GCFC2: variants seen among roughly 807,000 people sequenced by gnomAD.
GCFC2 encodes GC-rich sequence DNA-binding factor 2, also known as intron Large complex component GCFC2.
In GCFC2, 102 loss-of-function variants were observed where a neutral mutation model predicts 99.4. The ratio of observed to expected loss-of-function variants is 1.03; its 90% confidence interval spans 0.87 to 1.21. The LOEUF (loss-of-function observed/expected upper bound fraction) is 1.21. Among genes scored for constraint, GCFC2 ranks in the 50% most tolerant of loss-of-function variants. The pLI is 0.00. For synonymous variants in GCFC2, 338 were observed against 316.8 expected (o/e 1.07, Z -0.71); for missense variants, 973 against 920.9 (o/e 1.06, Z -0.73).
In GCFC2 at chr2:75,664,086, T is replaced by A. The variant is rs144192902; in HGVS notation, c.*580A>T. On this transcript the variant is annotated 3_prime_UTR_variant, in exon 17 of 17. Transcript: ENST00000321027. ...AAATAAGATTTTTACCTTTCAAATTTTCAATGCATTTTTAAAAAGGATAAT... is the reference window on the plus strand; with the variant it reads ...AAATAAGATTTTTACCTTTCAAATTATCAATGCATTTTTAAAAAGGATAAT... The A allele has an allele frequency of 6.6e-6, 1 of 152,192 alleles. No homozygotes were observed. Among genetic ancestry groups the A allele is most frequent in the Non-Finnish European group, 1.5e-5 (1 of 68,032 alleles). 9.4% of individuals were successfully genotyped at this position (152,192 alleles called of 1,614,324 possible).
chr2:75,711,312 CG>C (rs1010590826), upstream of GCFC2: 3 of 583,438 alleles, frequency 5.1e-6, no homozygotes, highest in Admixed American at 6.3e-5. Flanking sequence ...GTGTGAGGCT[CG>C]GGGTAGGAGG....
At chr2:75,704,604 C>T (rs191332341) in intron 2 of GCFC2, among the ~76,000 whole-genome samples, 20 of 152,380 alleles carry the variant, frequency 1.3e-4, no homozygotes, top group East Asian at 3.9e-4. Context: ...CATTTTCAAA[C>T]GCTGCCCTCT....
chr2:75,703,488 T>C (rs991699300), intron 2 of GCFC2, among the ~76,000 whole-genome samples: 9 of 152,172 alleles, frequency 5.9e-5, no homozygotes, highest in African/African-American at 2.2e-4. Flanking sequence ...AGTCCTTGAG[T>C]GAATCATGAA....
chr2:75,699,058 A>C (rs187386752), intron 4 of GCFC2, among the ~76,000 whole-genome samples: 1 of 151,818 alleles, frequency 6.6e-6, no homozygotes, highest in African/African-American at 2.4e-5. Flanking sequence ...TGATGAAGTC[A>C]TATTTGTGGA....
At chr2:75,687,709 A>C in intron 11 of GCFC2, 118 bp downstream of exon 11, 1 of 828,164 alleles carries the variant, frequency 1.2e-6, no homozygotes, top group Non-Finnish European at 1.9e-6. Flanking sequence ...TTTACTACAT[A>C]TAACATTTCC....
rs1275179487 is a variant in GCFC2 at position 75,670,039 on chromosome 2, T to C, written c.2103+99A>G. The C allele has an allele frequency of 3.3e-5, 25 of 754,292 alleles. No homozygotes were observed. The East Asian group carries it at 6.3e-4, about 19-fold the overall frequency. 46.7% of individuals were successfully genotyped at this position (754,292 alleles called of 1,614,324 possible). On this transcript the variant is annotated intron_variant, in intron 15 of 16. Transcript: ENST00000321027. ...TGTGCCTGGCCCATTTGTCTATATA[T>C]GAGTACCACACATTTAATTATTTTG...
rs1362777508 is a variant in GCFC2 at position 75,663,559 on chromosome 2, C to G, written c.*1107G>C. On this transcript the variant is annotated 3_prime_UTR_variant, in exon 17 of 17. Transcript: ENST00000321027. Reference sequence around the variant, plus strand: ...AATGACTTAATGCTTCAAAAAACATCAACAAATTTAAAAGAAAGGCCAAAC... The same window carrying G: ...AATGACTTAATGCTTCAAAAAACATGAACAAATTTAAAAGAAAGGCCAAAC... The G allele has an allele frequency of 4.0e-5, 6 of 151,896 alleles. No individual in the cohort carries two copies. The highest frequency in any genetic ancestry group is 8.8e-5 in the Non-Finnish European group (6 of 67,966). The allele number at this position is 151,896 out of a possible 1,614,324, so 9.4% of individuals were successfully genotyped here.
intron 8 of GCFC2, 65 bp downstream of exon 8, chr2:75,690,573 T>A: frequency 1.3e-6 from 1 of 783,810 alleles, no homozygotes; most frequent in South Asian, 1.5e-5. Flanking sequence ...TGGTTAATTA[T>A]ATTTCAGTAG....
chr2:75,703,705 C>G (rs1237834130), intron 2 of GCFC2, among the ~76,000 whole-genome samples: 1 of 152,180 alleles, frequency 6.6e-6, no homozygotes, highest in African/African-American at 2.4e-5. Context: ...ACCCTGGCTA[C>G]ACATCAGAGT....
At chr2:75,665,752 T>C (rs1448920169) in intron 16 of GCFC2, among the ~76,000 whole-genome samples, 177 bp downstream of exon 16, 1 of 152,214 alleles carries the variant, frequency 6.6e-6, no homozygotes, top group Non-Finnish European at 1.5e-5. Flanking sequence ...ATTTACATTT[T>C]AAAATATGGA....
At chr2:75,695,570 A>AATCATGGG (rs1680273971) in intron 5 of GCFC2, among the ~76,000 whole-genome samples, 1 of 152,182 alleles carries the variant, frequency 6.6e-6, no homozygotes, top group Admixed American at 6.5e-5. Flanking sequence ...GTCACCCCTT[A>AATCATGGG]ATCATGGGGA....
At position 75,682,671 on chromosome 2, in the gene GCFC2, C is replaced by G. The variant is rs1340216126; in HGVS notation, c.1691-2357G>C. 1.3e-5 allele frequency among the ~76,000 whole-genome samples: 2 copies of G among 151,670 alleles called. 1 individual carries two copies. Among genetic ancestry groups the G allele is most frequent in the African/African-American group, 4.9e-5 (2 of 41,048 alleles). On this transcript the variant is annotated intron_variant, in intron 11 of 16. Coordinates refer to ENST00000321027, the MANE Select transcript of GCFC2 (RefSeq NM_003203.5). ...CTGAGCTAAAGGAGCATGTTCTAAC[C>G]CAATGGAAGGAAGCTAAGAACCTTG...
intron 9 of GCFC2, among the ~76,000 whole-genome samples, chr2:75,689,469 C>T (rs1236878190): frequency 6.6e-6 from 1 of 152,100 alleles, no homozygotes; most frequent in East Asian, 1.9e-4. Context: ...AGCTATCTTC[C>T]ATACCATATA....
chr2:75,678,577 C>G (rs139798979), intron 12 of GCFC2, among the ~76,000 whole-genome samples: 57 of 152,264 alleles, frequency 3.7e-4, no homozygotes, highest in African/African-American at 1.3e-3. Context: ...TCTCTCCTGT[C>G]TCTCTCCTGA....
intron 1 of GCFC2, among the ~76,000 whole-genome samples, chr2:75,706,864 T>A (rs555207619): frequency 6.6e-6 from 1 of 152,060 alleles, no homozygotes; most frequent in Admixed American, 6.5e-5. Flanking sequence ...TATCTAGGCA[T>A]CTAATAATAT....
At chr2:75,667,375 CAG>C (rs1461713854) in intron 15 of GCFC2, among the ~76,000 whole-genome samples, 2 of 152,018 alleles carry the variant, frequency 1.3e-5, no homozygotes, top group African/African-American at 2.4e-5. Context: ...ATATAGAAAG[CAG>C]AGAGTTGGGG....
chr2:75,712,483 C>G (rs10183416), upstream of GCFC2, among the ~76,000 whole-genome samples: 2 of 152,092 alleles, frequency 1.3e-5, no homozygotes, highest in Non-Finnish European at 2.9e-5. Context: ...CCTGTCAAAA[C>G]AGGCCGCTGG....
chr2:75,670,389 T>G, intron 14 of GCFC2, 105 bp from the exon 15 acceptor site: 1 of 716,172 alleles, frequency 1.4e-6, no homozygotes, highest in Non-Finnish European at 2.4e-6. Context: ...TCACTACAAT[T>G]AGCCCTGTTG....
intron 10 of GCFC2, among the ~76,000 whole-genome samples, chr2:75,688,236 T>C (rs772777301): frequency 2.6e-5 from 4 of 152,210 alleles, no homozygotes; most frequent in Admixed American, 6.5e-5. Context: ...ACCTAGTGTG[T>C]GCCGGAGCCT....
Sources: allele counts gnomAD v4.1 joint callset (sites outside exome capture counted in the v4.1 genomes callset), GRCh38; gene constraint gnomAD v4.1.1; transcripts MANE v1.5; gene names NCBI Gene and HGNC (gene_info 2026-07-23, HGNC 2026-07-21).